The following COL18A1 variants were observed in gnomAD, a reference collection of about 807,000 sequenced individuals.
COL18A1 encodes the protein collagen alpha-1(XVIII) chain.
A neutral mutation model predicts 168.0 loss-of-function variants in COL18A1; 133 were observed. That is an observed-to-expected ratio of 0.79 (90% CI 0.69 to 0.91). The LOEUF (loss-of-function observed/expected upper bound fraction) is 0.91, where lower values mean the gene tolerates loss of function less well. Among genes scored for constraint, COL18A1 ranks in the 40% least tolerant of loss-of-function variants. The pLI is 0.00. For synonymous variants in COL18A1, 949 were observed against 809.0 expected, an observed-to-expected ratio of 1.17 and a Z score of -2.94; for missense variants, 2,126 against 1,925.4, an observed-to-expected ratio of 1.10 and a Z score of -1.95.
rs985397755 is a variant in COL18A1 at position 45,509,497 on chromosome 21, C to A, written c.3391C>A (p.Pro1131Thr). Residue 1131 changes from proline to threonine, a missense_variant, in exon 39 of 42, where the codon CCC becomes ACC. By Grantham distance (38) the Pro-to-Thr change is conservative (BLOSUM62 -1). Transcript: ENST00000651438. The part of the protein sequence containing the change: ...ILASPPRLPE[P>T]QPYPGAPHHS... ...GGCCAGCCCCCCTCGCCTGCCCGAG[C>A]CCCAGCCCTACCCCGGAGCCCCGCA... is the stretch of plus-strand genomic sequence containing the variant. 5.2e-6 allele frequency: 8 copies of A among 1,529,372 alleles called. No individual in the cohort carries two copies. Among genetic ancestry groups the A allele is most frequent in the Non-Finnish European group, 7.0e-6 (8 of 1,135,522 alleles). The allele number at this position is 1,529,372 out of a possible 1,614,324, so 94.7% of individuals were successfully genotyped here.
Position 45,443,621 on chromosome 21 carries a change from G to A in COL18A1, c.107-24621G>A, listed in dbSNP as rs931978147. Among the ~76,000 whole-genome samples, 2 of 152,128 alleles carry A rather than the reference G, an allele frequency of 1.3e-5. No homozygotes were observed. Among genetic ancestry groups the A allele is most frequent in the South Asian group, 2.1e-4 (1 of 4,824 alleles). ...CGACAGGCGGCCCTTTTTCTCCCACGTGGGCGAAAAGTGAAGCCTCTGGGT... is the reference window on the plus strand; with the variant it reads ...CGACAGGCGGCCCTTTTTCTCCCACATGGGCGAAAAGTGAAGCCTCTGGGT... On this transcript the variant is annotated intron_variant, in intron 2 of 41. Transcript: ENST00000651438. This position sits in a 1 kb window ranked among gnomAD's most constrained non-coding sequence, Gnocchi z 5.2.
At chr21:45,493,310 A>T in intron 25 of COL18A1, 85 bp downstream of exon 25, 1 of 1,453,496 alleles carries the variant, frequency 6.9e-7, no homozygotes, top group Non-Finnish European at 9.4e-7. Context: ...GTTGGGAGGG[A>T]CCTGGGACCC....
chr21:45,479,447 A>G (rs1380284319), intron 9 of COL18A1, among the ~76,000 whole-genome samples: 2 of 152,042 alleles, frequency 1.3e-5, no homozygotes, highest in Admixed American at 6.6e-5. Flanking sequence ...CACACCACAC[A>G]TTACACATAC....
intron 32 of COL18A1, chr21:45,503,098 G>A (rs1013428435): frequency 2.0e-5 from 3 of 152,168 alleles, no homozygotes; most frequent in East Asian, 3.8e-4. Flanking sequence ...TAATGGGATG[G>A]CTGGGTCAAA....
chr21:45,455,618 T>A, intron 2 of COL18A1: 1 of 1,613,964 alleles, frequency 6.2e-7, no homozygotes, highest in Non-Finnish European at 8.5e-7. Flanking sequence ...GAACCTGAAC[T>A]GGCTTTGGTT....
At chr21:45,417,696 C>T (rs145822663) in intron 2 of COL18A1, among the ~76,000 whole-genome samples, 167 of 152,294 alleles carry the variant, frequency 1.1e-3, no homozygotes, top group Non-Finnish European at 1.9e-3. Context: ...TGACCGCTCT[C>T]GGCCGGGGGA....
chr21:45,438,445 G>A (rs1455644990), intron 2 of COL18A1, among the ~76,000 whole-genome samples: 2 of 152,206 alleles, frequency 1.3e-5, no homozygotes, highest in Non-Finnish European at 2.9e-5. Context: ...GGCCTCTGGA[G>A]CTCATCCCTG....
At chr21:45,489,120 C>A (rs553911809) in intron 18 of COL18A1, among the ~76,000 whole-genome samples, 1 of 152,234 alleles carries the variant, frequency 6.6e-6, no homozygotes, top group South Asian at 2.1e-4. Context: ...CTCCTTTGAG[C>A]TTTGCTTTCA....
At chr21:45,464,066 G>A (rs2035124285) in intron 2 of COL18A1, among the ~76,000 whole-genome samples, 1 of 152,196 alleles carries the variant, frequency 6.6e-6, no homozygotes, top group South Asian at 2.1e-4. Context: ...TGAGAACTGG[G>A]CTGGAGCCAA....
At position 45,405,179 on chromosome 21, in the gene COL18A1, C is replaced by T. The variant is rs1675522041; in HGVS notation, c.-52C>T. ...TGCAGCGCGGCGGTCCGAGCGGGTG[C>T]ACCGCGGCGGAGGAGGCAGCATCCC... On this transcript the variant is annotated 5_prime_UTR_variant, in exon 1 of 42. Coordinates refer to ENST00000651438, the MANE Select transcript of COL18A1 (RefSeq NM_001379500.1). 1.2e-5 allele frequency: 3 copies of T among 260,656 alleles called. No homozygotes were observed. Among genetic ancestry groups the T allele is most frequent in the Non-Finnish European group, 2.1e-5 (3 of 142,008 alleles). 16.1% of individuals were successfully genotyped at this position (260,656 alleles called of 1,614,324 possible).
chr21:45,479,997 T>C (rs1185216620), intron 10 of COL18A1, 33 bp downstream of exon 10: 3 of 1,613,642 alleles, frequency 1.9e-6, no homozygotes, highest in East Asian at 2.2e-5. Context: ...GGCCCCTTCC[T>C]GTGTTGGCCC....
chr21:45,487,256 C>T (rs567948965), intron 16 of COL18A1, among the ~76,000 whole-genome samples, 191 bp from the exon 17 acceptor site: 2 of 152,216 alleles, frequency 1.3e-5, no homozygotes, highest in Non-Finnish European at 2.9e-5. Context: ...TGACCCGAGA[C>T]GGGCTGCCCC....
At chr21:45,496,202 G>A in intron 29 of COL18A1, 1 of 595,184 alleles carries the variant, frequency 1.7e-6, no homozygotes, top group Non-Finnish European at 3.1e-6. Flanking sequence ...TCTCCCTGAT[G>A]TCAGCAGGGT....
At chr21:45,409,896 G>A (rs114799802) in intron 2 of COL18A1, 52 of 152,434 alleles carry the variant, frequency 3.4e-4, no homozygotes, top group African/African-American at 1.2e-3. Context: ...GCTGATCTGT[G>A]TTGTCCCCTG....
At chr21:45,411,234 A>G (rs1423682340) in intron 2 of COL18A1, among the ~76,000 whole-genome samples, 1 of 152,084 alleles carries the variant, frequency 6.6e-6, no homozygotes, top group Non-Finnish European at 1.5e-5. Flanking sequence ...GCCTTCCCCG[A>G]TGCCAGGTGA....
chr21:45,483,766 G>A (rs1411679350), intron 15 of COL18A1, among the ~76,000 whole-genome samples: 3 of 152,236 alleles, frequency 2.0e-5, no homozygotes, highest in Non-Finnish European at 4.4e-5. Context: ...AGGAAGGCCA[G>A]TGGGGAGAGG....
intron 2 of COL18A1, among the ~76,000 whole-genome samples, chr21:45,444,660 G>A (rs923706800): frequency 1.3e-5 from 2 of 152,122 alleles, no homozygotes; most frequent in South Asian, 2.1e-4. Context: ...GGGGAGTGGA[G>A]GCTGTGAGCC....
chr21:45,474,487 GTGGT>G (rs2035566816), intron 4 of COL18A1, among the ~76,000 whole-genome samples: 1 of 151,642 alleles, frequency 6.6e-6, no homozygotes, highest in Non-Finnish European at 1.5e-5. Flanking sequence ...CTCTGTGTGT[GTGGT>G]GTGTCTCTGT....
intron 6 of COL18A1, among the ~76,000 whole-genome samples, chr21:45,476,703 G>A (rs2035671280): frequency 6.6e-6 from 1 of 151,650 alleles, no homozygotes; most frequent in South Asian, 2.1e-4. Flanking sequence ...TGATGTTTAT[G>A]TGATGTGTAT....
Sources: allele counts gnomAD v4.1 joint callset (sites outside exome capture counted in the v4.1 genomes callset), GRCh38; gene constraint gnomAD v4.1.1; non-coding constraint Gnocchi (gnomAD v3.1); transcripts MANE v1.5; gene names NCBI Gene and HGNC (gene_info 2026-07-23, HGNC 2026-07-21).